Variants in CADPS2 observed in about 807,000 individuals in gnomAD.
CADPS2 encodes the protein calcium-dependent secretion activator 2.
A neutral mutation model predicts 172.5 loss-of-function variants in CADPS2; 93 were observed. The ratio of observed to expected loss-of-function variants is 0.54; its 90% CI spans 0.46 to 0.64. The LOEUF (loss-of-function observed/expected upper bound fraction) is 0.64. Among genes scored for constraint, CADPS2 ranks in the 30% least tolerant of loss-of-function variants. The probability of loss-of-function intolerance (pLI) is 0.00; values close to 1 mark genes in which losing one functional copy is unlikely to be tolerated. For synonymous variants in CADPS2, 546 were observed against 555.2 expected (o/e 0.98, Z 0.23); for missense variants, 1,420 against 1,565.9 (o/e 0.91, Z 1.57).
chr7:122,772,911 A>G (rs1487318396), intron 1 of CADPS2, among the ~76,000 whole-genome samples: 1 of 152,140 alleles, frequency 6.6e-6, no homozygotes, highest in Non-Finnish European at 1.5e-5. Context: ...GAGATGACAA[A>G]AAGTCAACAA....
chr7:122,374,778 C>T (rs117137149), intron 25 of CADPS2, among the ~76,000 whole-genome samples: 2,323 of 152,160 alleles, frequency 0.015, 31 homozygotes, highest in Non-Finnish European at 0.023. Context: ...ATGTAGGTGA[C>T]GAGCTGATGG....
rs552054723 is a variant in CADPS2 at position 122,404,318 on chromosome 7, T to C, written c.2746+3222A>G. Among the ~76,000 whole-genome samples the C allele has an allele frequency of 3.3e-4, 50 of 152,306 alleles. No homozygotes were observed. The South Asian group carries it at 6.4e-3, about 20-fold the overall frequency. On this transcript the variant is annotated intron_variant, in intron 20 of 29. Transcript: ENST00000449022. ...TTCATCCATGTCCCTACAAAGGACA[T>C]GAACTCATCATTTTTTAAGGCTGCA... is the stretch of plus-strand genomic sequence containing the variant.
intron 11 of CADPS2, among the ~76,000 whole-genome samples, chr7:122,482,747 C>T (rs2057433018): frequency 6.6e-6 from 1 of 151,980 alleles, no homozygotes; most frequent in Admixed American, 6.6e-5. Flanking sequence ...TCCCTGAGTT[C>T]AAAAGATGGA....
chr7:122,372,790 T>A (rs1029298910), intron 25 of CADPS2, among the ~76,000 whole-genome samples: 5 of 152,200 alleles, frequency 3.3e-5, no homozygotes, highest in Non-Finnish European at 7.3e-5. Context: ...TTTTAATTTT[T>A]ATGGGCTGGT....
At chr7:122,434,845 T>C (rs1234993159) in intron 17 of CADPS2, among the ~76,000 whole-genome samples, 2 of 151,698 alleles carry the variant, frequency 1.3e-5, no homozygotes, top group Non-Finnish European at 2.9e-5. Context: ...TAATAGCATT[T>C]ATGCTTTTTA....
chr7:122,441,101 G>A (rs984831866), intron 16 of CADPS2, among the ~76,000 whole-genome samples: 11 of 152,152 alleles, frequency 7.2e-5, no homozygotes, highest in African/African-American at 2.4e-4. Flanking sequence ...TGATATATTT[G>A]TGAATGGTAA....
chr7:122,701,556 G>C (rs571392917), intron 2 of CADPS2: 1 of 188,142 alleles, frequency 5.3e-6, no homozygotes, highest in Non-Finnish European at 1.1e-5. Flanking sequence ...TAACCTGCAC[G>C]TTGTGCCCAT....
intron 12 of CADPS2, among the ~76,000 whole-genome samples, chr7:122,479,310 C>T (rs989086034): frequency 6.6e-6 from 1 of 152,196 alleles, no homozygotes; most frequent in Non-Finnish European, 1.5e-5. Flanking sequence ...CTACTCACAT[C>T]TGATTATACA....
At chr7:122,451,895 C>T (rs2053169260) in intron 14 of CADPS2, among the ~76,000 whole-genome samples, 1 of 152,068 alleles carries the variant, frequency 6.6e-6, no homozygotes, top group Non-Finnish European at 1.5e-5. Context: ...TCAGCTAACA[C>T]AGAACTGGAG....
chr7:122,633,519 G>T (rs915441402), intron 3 of CADPS2, among the ~76,000 whole-genome samples: 4 of 152,008 alleles, frequency 2.6e-5, no homozygotes, highest in Non-Finnish European at 5.9e-5. Flanking sequence ...ATGTATAGAA[G>T]TTCTATTGAT....
chr7:122,777,552 C>A (rs1241284138), intron 1 of CADPS2, among the ~76,000 whole-genome samples: 2 of 152,182 alleles, frequency 1.3e-5, no homozygotes, highest in Non-Finnish European at 2.9e-5. Flanking sequence ...TCATCTTGAA[C>A]TGTAGTTCTT....
intron 4 of CADPS2, among the ~76,000 whole-genome samples, chr7:122,624,280 C>T (rs2075871932): frequency 6.6e-6 from 1 of 152,192 alleles, no homozygotes; most frequent in African/African-American, 2.4e-5. Context: ...GTCACTCTTA[C>T]AAGTCATGTG....
At position 122,367,745 on chromosome 7, in the gene CADPS2, A is replaced by C. The variant is rs1321213716; in HGVS notation, c.3388-6732T>G. ...TTTTTTTTTTTTTTTTTTTGCTTAA[A>C]ACAATAAAAGTTTATTATGGTATAG... On this transcript the variant is annotated intron_variant, in intron 25 of 29. Transcript: ENST00000449022. Among the ~76,000 whole-genome samples, 4 of 143,158 alleles carry C rather than the reference A, an allele frequency of 2.8e-5. 1 individual carries two copies. The South Asian group carries it at 8.9e-4, about 32-fold the overall frequency. The allele number at this position is 143,158 out of a possible 152,430, so 93.9% of individuals were successfully genotyped here.
At chr7:122,541,496 G>A (rs2062942401) in intron 8 of CADPS2, among the ~76,000 whole-genome samples, 3 of 135,904 alleles carry the variant, frequency 2.2e-5, no homozygotes, top group Admixed American at 7.9e-5. Flanking sequence ...ATGTGTCATT[G>A]TGCCCAGCCA....
At chr7:122,717,879 A>G (rs534193651) in intron 2 of CADPS2, among the ~76,000 whole-genome samples, 44 of 151,652 alleles carry the variant, frequency 2.9e-4, no homozygotes, top group Non-Finnish European at 4.6e-4. Flanking sequence ...ACACAATCAT[A>G]GGTCACTGCA....
intron 3 of CADPS2, among the ~76,000 whole-genome samples, chr7:122,636,004 T>C (rs1413981223): frequency 6.6e-6 from 1 of 152,212 alleles, no homozygotes; most frequent in Admixed American, 6.5e-5. Flanking sequence ...ACACGTGAGA[T>C]GCCTCTCTTG....
intron 1 of CADPS2, among the ~76,000 whole-genome samples, chr7:122,841,828 T>C (rs1052497897): frequency 5.3e-5 from 8 of 152,232 alleles, no homozygotes; most frequent in African/African-American, 1.7e-4. Context: ...TACTGTATTT[T>C]TTTTACCCTA....
chr7:122,430,095 C>G (rs2049695684), intron 17 of CADPS2, among the ~76,000 whole-genome samples: 1 of 152,104 alleles, frequency 6.6e-6, no homozygotes, highest in Non-Finnish European at 1.5e-5. Flanking sequence ...CATCTCTACC[C>G]CATTCAACTG....
chr7:122,513,700 G>A (rs1483251585), intron 8 of CADPS2, among the ~76,000 whole-genome samples: 3 of 152,216 alleles, frequency 2.0e-5, no homozygotes, highest in Non-Finnish European at 2.9e-5. Flanking sequence ...TGAGTAGTGC[G>A]CCCTGAGGAG....
Sources: gnomAD v4.1 joint callset for allele counts (sites outside exome capture counted in the v4.1 genomes callset) on GRCh38, gnomAD v4.1.1 for gene constraint, MANE v1.5 for transcripts, NCBI Gene and HGNC (gene_info 2026-07-23, HGNC 2026-07-21) for gene names.